The following SHISA9 variants were observed in gnomAD, a reference collection of about 807,000 sequenced individuals.
SHISA9 encodes protein shisa-9.
In SHISA9, 13 loss-of-function variants were observed where a neutral mutation model predicts 38.0. The ratio of observed to expected loss-of-function variants is 0.34; its 90% CI spans 0.22 to 0.54. The LOEUF (loss-of-function observed/expected upper bound fraction) is 0.54, where lower values mean the gene tolerates loss of function less well. Among genes scored for constraint, SHISA9 ranks in the 20% least tolerant of loss-of-function variants. The pLI, the probability that SHISA9 is intolerant of heterozygous loss-of-function variation, is 0.91. For missense variants in SHISA9, 538 were observed against 575.8 expected, an observed-to-expected ratio of 0.93 and a Z score of 0.67; for synonymous variants, 275 against 242.0, an observed-to-expected ratio of 1.14 and a Z score of -1.27.
chr16:13,009,543 C>A (rs188262628), intron 2 of SHISA9, among the ~76,000 whole-genome samples: 1 of 152,252 alleles, frequency 6.6e-6, no homozygotes, highest in East Asian at 1.9e-4. Flanking sequence ...GTGAAAGGGC[C>A]AATAGCCGGA....
At chr16:13,557,517 C>T in the SHISA9 span, among the ~76,000 whole-genome samples, 9 of 151,958 alleles carry the variant, frequency 5.9e-5, no homozygotes, top group Admixed American at 1.3e-4. Context: ...AATTTGGGGG[C>T]GAGAAGAGGG....
intron 2 of SHISA9, among the ~76,000 whole-genome samples, chr16:13,122,049 A>T (rs774231424): frequency 6.6e-6 from 1 of 152,184 alleles, no homozygotes; most frequent in Non-Finnish European, 1.5e-5. Context: ...TCCATGTCAG[A>T]TGTCATATTT....
the SHISA9 span, among the ~76,000 whole-genome samples, chr16:13,527,347 A>T: frequency 6.6e-6 from 1 of 152,164 alleles, no homozygotes; most frequent in Admixed American, 6.6e-5. Context: ...TTTTAGTACA[A>T]CACCACTCCC....
At chr16:13,540,099 A>G in the SHISA9 span, among the ~76,000 whole-genome samples, 1 of 152,038 alleles carries the variant, frequency 6.6e-6, no homozygotes, top group Non-Finnish European at 1.5e-5. Context: ...AAGACTCCAA[A>G]AGCAACAGTC....
the SHISA9 span, among the ~76,000 whole-genome samples, chr16:13,441,181 G>T: frequency 6.6e-6 from 1 of 152,182 alleles, no homozygotes. Flanking sequence ...CTGTCTGTTG[G>T]GAAAGAGGAA....
At chr16:13,455,905 A>G in the SHISA9 span, among the ~76,000 whole-genome samples, 1 of 152,150 alleles carries the variant, frequency 6.6e-6, no homozygotes, top group South Asian at 2.1e-4. Flanking sequence ...GGAGAAACCT[A>G]AGCCCCGTAA....
At chr16:13,287,391 A>G in the SHISA9 span, among the ~76,000 whole-genome samples, 1 of 152,192 alleles carries the variant, frequency 6.6e-6, no homozygotes, top group Non-Finnish European at 1.5e-5. Flanking sequence ...AGTGGCTAAC[A>G]TGATAATGAT....
intron 2 of SHISA9, among the ~76,000 whole-genome samples, chr16:13,161,353 C>T: frequency 6.6e-6 from 1 of 152,162 alleles, no homozygotes; most frequent in East Asian, 1.9e-4. Context: ...TGGCTAGCCT[C>T]ACATAAGACC....
intron 2 of SHISA9, among the ~76,000 whole-genome samples, chr16:12,990,741 G>A (rs2072374058): frequency 6.6e-6 from 1 of 152,140 alleles, no homozygotes; most frequent in Admixed American, 6.6e-5. Flanking sequence ...TAGTGGGCAG[G>A]CCCCACAACA....
intron 1 of SHISA9, chr16:12,909,606 G>C (rs2141712048): frequency 3.0e-6 from 3 of 985,314 alleles, no homozygotes; most frequent in South Asian, 4.7e-5. Flanking sequence ...ACTGGCCCTT[G>C]TGTGGCTGGT....
At chr16:13,121,155 CT>C (rs909749408) in intron 2 of SHISA9, among the ~76,000 whole-genome samples, 5 of 151,894 alleles carry the variant, frequency 3.3e-5, no homozygotes, top group African/African-American at 7.3e-5. Flanking sequence ...GGGAGACCCC[CT>C]GTCTCAAAAA....
At chr16:13,312,056 A>G in the SHISA9 span, among the ~76,000 whole-genome samples, 1 of 152,200 alleles carries the variant, frequency 6.6e-6, no homozygotes, top group South Asian at 2.1e-4. Context: ...ACTTGGTTTT[A>G]AAACCAGTGT....
chr16:13,545,043 A>G, the SHISA9 span, among the ~76,000 whole-genome samples: 1 of 152,150 alleles, frequency 6.6e-6, no homozygotes, highest in Non-Finnish European at 1.5e-5. Context: ...TAACATCAGA[A>G]CCACTATTTG....
the SHISA9 span, among the ~76,000 whole-genome samples, chr16:13,504,730 A>G: frequency 3.1e-4 from 47 of 152,212 alleles, no homozygotes; most frequent in African/African-American, 1.1e-3. Flanking sequence ...ATAATAATGT[A>G]TTCTGTGCCC....
At chr16:13,010,120 G>C (rs912729073) in intron 2 of SHISA9, among the ~76,000 whole-genome samples, 4 of 152,136 alleles carry the variant, frequency 2.6e-5, no homozygotes, top group Non-Finnish European at 1.5e-5. Flanking sequence ...TGAGACTGCA[G>C]TGACCTATGA....
intron 2 of SHISA9, among the ~76,000 whole-genome samples, chr16:13,060,656 A>C (rs1425376276): frequency 1.9e-4 from 28 of 151,108 alleles, no homozygotes; most frequent in South Asian, 6.2e-4. Context: ...AAAAAAAAAA[A>C]AAAAACACTC....
chr16:13,084,529 T>C (rs1178506009), intron 2 of SHISA9, among the ~76,000 whole-genome samples: 5 of 152,192 alleles, frequency 3.3e-5, no homozygotes, highest in Admixed American at 2.6e-4. Context: ...ATATTTATTG[T>C]ACTAGGTGGT....
intron 2 of SHISA9, among the ~76,000 whole-genome samples, chr16:13,084,908 T>G (rs1169033095): frequency 6.6e-6 from 1 of 152,140 alleles, no homozygotes. Context: ...AGGTTTTGTT[T>G]GAGGCCAATT....
chr16:13,234,511 A>G (rs1596756884), intron 4 of SHISA9, among the ~76,000 whole-genome samples: 2 of 149,446 alleles, frequency 1.3e-5, no homozygotes, highest in East Asian at 3.9e-4. Context: ...TTTAACTGCT[A>G]AAAGCAAAAA....
Sources: gnomAD v4.1 joint callset for allele counts (sites outside exome capture counted in the v4.1 genomes callset) on GRCh38, gnomAD v4.1.1 for gene constraint, MANE v1.5 for transcripts, NCBI Gene and HGNC (gene_info 2026-07-23, HGNC 2026-07-21) for gene names.